NTNG1: variants seen among roughly 807,000 people sequenced by gnomAD.
NTNG1 encodes the protein netrin G1.
NTNG1 carries 16 observed loss-of-function variants against 54.0 expected under a neutral mutation model. That is an observed-to-expected ratio of 0.30 (90% CI 0.20 to 0.45). The LOEUF is 0.45. Among genes scored for constraint, NTNG1 ranks in the 20% least tolerant of loss-of-function variants. The pLI is 1.00. For missense variants in NTNG1, 530 were observed against 678.7 expected, an observed-to-expected ratio of 0.78 and a Z score of 2.43; for synonymous variants, 255 against 263.1, an observed-to-expected ratio of 0.97 and a Z score of 0.30.
chr1:107,451,221 A>C (rs1174761666), intron 7 of NTNG1, among the ~76,000 whole-genome samples: 1 of 147,282 alleles, frequency 6.8e-6, no homozygotes, highest in African/African-American at 2.5e-5. Flanking sequence ...TTCTCTTTTT[A>C]TGCTAGAAAG....
At chr1:107,382,293 C>A (rs115908154) in intron 3 of NTNG1, among the ~76,000 whole-genome samples, 1 of 152,068 alleles carries the variant, frequency 6.6e-6, no homozygotes, top group Non-Finnish European at 1.5e-5. Flanking sequence ...TAGATCAAAC[C>A]CTTTAAATTT....
intron 3 of NTNG1, among the ~76,000 whole-genome samples, chr1:107,367,999 C>A (rs889679071): frequency 4.6e-5 from 7 of 152,018 alleles, no homozygotes; most frequent in African/African-American, 1.7e-4. Flanking sequence ...TGACCTCAAC[C>A]CGCCTGCCTC....
chr1:107,393,765 G>A (rs999315011), intron 3 of NTNG1, among the ~76,000 whole-genome samples: 3 of 151,902 alleles, frequency 2.0e-5, no homozygotes, highest in Non-Finnish European at 2.9e-5. Context: ...ATGGGTCAGT[G>A]TTCCAGAAAG....
chr1:107,186,208 T>C (rs947812981), intron 2 of NTNG1, among the ~76,000 whole-genome samples: 1 of 152,186 alleles, frequency 6.6e-6, no homozygotes, highest in African/African-American at 2.4e-5. Flanking sequence ...ATATGGACTT[T>C]ACCTTCAAAA....
At chr1:107,401,910 G>A (rs983037106) in intron 4 of NTNG1, among the ~76,000 whole-genome samples, 3 of 152,030 alleles carry the variant, frequency 2.0e-5, no homozygotes, top group Non-Finnish European at 4.4e-5. Context: ...GACGTCATAG[G>A]ATGGTCATAA....
chr1:107,402,750 G>T (rs968164180), intron 4 of NTNG1, among the ~76,000 whole-genome samples: 1 of 152,118 alleles, frequency 6.6e-6, no homozygotes, highest in East Asian at 1.9e-4. Context: ...AAATGAATCT[G>T]CAGAATGTTT....
At chr1:107,430,962 C>T in intron 6 of NTNG1, 45 bp downstream of exon 6, 6 of 1,585,286 alleles carry the variant, frequency 3.8e-6, no homozygotes, top group Non-Finnish European at 5.2e-6. Flanking sequence ...GCCTTTTGAG[C>T]TACGGGGAGA....
chr1:107,322,712 T>C (rs1667726410), intron 2 of NTNG1, among the ~76,000 whole-genome samples: 1 of 152,080 alleles, frequency 6.6e-6, no homozygotes. Flanking sequence ...CCACAGACGC[T>C]GGGATCAGGA....
chr1:107,157,815 A>T (rs989342216), intron 2 of NTNG1, among the ~76,000 whole-genome samples: 3 of 152,226 alleles, frequency 2.0e-5, no homozygotes, highest in Non-Finnish European at 4.4e-5. Context: ...ATACTTATTT[A>T]TATATATGTA....
intron 3 of NTNG1, among the ~76,000 whole-genome samples, chr1:107,344,075 C>T (rs1669077825): frequency 6.6e-6 from 1 of 152,050 alleles, no homozygotes; most frequent in Non-Finnish European, 1.5e-5. Context: ...CTTACATTAT[C>T]TAATTACATT....
chr1:107,313,346 T>C (rs1667135265), intron 2 of NTNG1, among the ~76,000 whole-genome samples: 1 of 152,116 alleles, frequency 6.6e-6, no homozygotes, highest in South Asian at 2.1e-4. Flanking sequence ...GAGTGAATTA[T>C]TCAGGAAGGA....
Position 107,381,348 on chromosome 1 carries a change from T to TAAAAAAAAAA in NTNG1, c.888-13787_888-13778dup, listed in dbSNP as rs10598493. 1.7e-4 allele frequency among the ~76,000 whole-genome samples: 9 copies of TAAAAAAAAAA among 51,658 alleles called. No homozygotes were observed. The East Asian group carries it at 6.1e-3, about 35-fold the overall frequency. The allele number at this position is 51,658 out of a possible 152,430, so 33.9% of individuals were successfully genotyped here. ...AAAATATAGCACCTTTCTCTTTAAC[T>TAAAAAAAAAA]AAAAAAAAAAAAAAAAAAAAAAAAA... On this transcript the variant is annotated intron_variant, in intron 3 of 7. Coordinates refer to ENST00000370068, the MANE Select transcript of NTNG1 (RefSeq NM_001113226.3).
intron 3 of NTNG1, among the ~76,000 whole-genome samples, chr1:107,346,099 C>T (rs1669210625): frequency 6.6e-6 from 1 of 152,122 alleles, no homozygotes; most frequent in Admixed American, 6.5e-5. Context: ...CTGATTTGCC[C>T]AGGCATTGCA....
intron 2 of NTNG1, among the ~76,000 whole-genome samples, chr1:107,263,145 G>A (rs1420771545): frequency 6.6e-6 from 1 of 152,172 alleles, no homozygotes; most frequent in Admixed American, 6.5e-5. Flanking sequence ...GCTTTGAAAT[G>A]TGGTAAATCT....
intron 5 of NTNG1, among the ~76,000 whole-genome samples, chr1:107,420,771 A>G (rs1329510494): frequency 6.6e-6 from 1 of 152,030 alleles, no homozygotes; most frequent in African/African-American, 2.4e-5. Flanking sequence ...CCTACTTTAA[A>G]AGATTGACAG....
intron 5 of NTNG1, among the ~76,000 whole-genome samples, chr1:107,430,456 G>A (rs1290382621): frequency 6.6e-6 from 1 of 152,072 alleles, no homozygotes; most frequent in Admixed American, 6.6e-5. Context: ...TAGAAACTGA[G>A]GCTTCCCAAA....
chr1:107,254,464 T>A (rs1278317257), intron 2 of NTNG1, among the ~76,000 whole-genome samples: 1 of 152,234 alleles, frequency 6.6e-6, no homozygotes, highest in Non-Finnish European at 1.5e-5. Flanking sequence ...GCTACTGCTG[T>A]TTGAGTCTGC....
intron 2 of NTNG1, among the ~76,000 whole-genome samples, chr1:107,154,352 C>A (rs1483189030): frequency 6.6e-6 from 1 of 151,808 alleles, no homozygotes; most frequent in East Asian, 1.9e-4. Flanking sequence ...TACCTGTAAT[C>A]CCAGCACTTT....
intron 2 of NTNG1, among the ~76,000 whole-genome samples, chr1:107,296,983 G>T (rs1665980500): frequency 6.7e-6 from 1 of 148,966 alleles, no homozygotes; most frequent in African/African-American, 2.5e-5. Flanking sequence ...CATTAGGGTT[G>T]GTTGGGATGC....
Sources: allele counts gnomAD v4.1 joint callset (sites outside exome capture counted in the v4.1 genomes callset), GRCh38; gene constraint gnomAD v4.1.1; transcripts MANE v1.5; gene names NCBI Gene and HGNC (gene_info 2026-07-23, HGNC 2026-07-21).